DOCK1: variants seen among roughly 807,000 people sequenced by gnomAD.
DOCK1 encodes dedicator of cytokinesis protein 1.
Under a neutral mutation model 262.7 loss-of-function variants are expected in DOCK1, and 138 were observed. That is an observed-to-expected ratio of 0.53 (90% CI 0.46 to 0.61). DOCK1 has a LOEUF of 0.61. Ranked by LOEUF, DOCK1 falls within the 20% of genes least tolerant of loss-of-function variation. The pLI is 0.00. For synonymous variants in DOCK1, 866 were observed against 867.4 expected (o/e 1.00, Z 0.03); for missense variants, 1,908 against 2,370.7 (o/e 0.80, Z 4.05).
Position 127,298,726 on chromosome 10 carries a change from C to T in DOCK1, c.3045-40280C>T, listed in dbSNP as rs571750960. ...CGCAGGAAACACCTAGCAAACTTGT[C>T]GGGGTTTATATTACAAAGCCCAGGG... On this transcript the variant is annotated intron_variant, in intron 29 of 51. Coordinates refer to ENST00000623213, the MANE Select transcript of DOCK1 (RefSeq NM_001290223.2). Among the ~76,000 whole-genome samples, 27 of 152,242 alleles carry T rather than the reference C, an allele frequency of 1.8e-4. No individual in the cohort carries two copies. The South Asian group carries it at 5.6e-3, about 32-fold the overall frequency.
chr10:127,199,496 G>A (rs567659177), intron 27 of DOCK1, among the ~76,000 whole-genome samples: 1 of 152,296 alleles, frequency 6.6e-6, no homozygotes, highest in South Asian at 2.1e-4. Flanking sequence ...TCGTATAGTG[G>A]AATACTAGAC....
In DOCK1 at chr10:127,443,621, G is replaced by A. The variant is rs150579030; in HGVS notation, c.5260-505G>A. Among the ~76,000 whole-genome samples the A allele has an allele frequency of 2.3e-3, 352 of 152,194 alleles. 3 individuals carry two copies. Among genetic ancestry groups the A allele is most frequent in the African/African-American group, 7.9e-3 (329 of 41,530 alleles). ...GATCAGTAGGAACCTACCTAATGGC[G>A]GCATTGCTCATTACCGCCACCCCAA... On this transcript the variant is annotated intron_variant, in intron 49 of 51. Transcript: ENST00000623213.
At chr10:127,323,083 C>G (rs1242223590) in intron 29 of DOCK1, among the ~76,000 whole-genome samples, 1 of 152,082 alleles carries the variant, frequency 6.6e-6, no homozygotes, top group Non-Finnish European at 1.5e-5. Context: ...GCTCCCTTCT[C>G]CATCATGGGA....
intron 1 of DOCK1, among the ~76,000 whole-genome samples, chr10:126,951,418 AGTG>A (rs1193001999): frequency 5.2e-4 from 78 of 150,436 alleles, no homozygotes; most frequent in Middle Eastern, 7.1e-3. Context: ...TATTAGTGAT[AGTG>A]GTGGTGGTAG....
chr10:126,980,028 TG>T (rs1423537351), intron 3 of DOCK1, among the ~76,000 whole-genome samples: 1 of 152,104 alleles, frequency 6.6e-6, no homozygotes, highest in Non-Finnish European at 1.5e-5. Flanking sequence ...TGGACAAGAC[TG>T]GGACTGGTTT....
chr10:127,410,723 A>G (rs1464049521), intron 42 of DOCK1, 117 bp from the exon 43 acceptor site: 1 of 859,354 alleles, frequency 1.2e-6, no homozygotes, highest in Admixed American at 3.1e-5. Context: ...GCTTCAGGTC[A>G]AGGTTAGGGA....
chr10:127,317,583 G>A (rs919027220), intron 29 of DOCK1, among the ~76,000 whole-genome samples: 2 of 152,244 alleles, frequency 1.3e-5, no homozygotes, highest in South Asian at 2.1e-4. Context: ...CTCTGGATTC[G>A]AGTGCACATT....
intron 1 of DOCK1, among the ~76,000 whole-genome samples, chr10:126,946,803 G>T (rs2035446041): frequency 6.6e-6 from 1 of 152,164 alleles, no homozygotes; most frequent in Non-Finnish European, 1.5e-5. Flanking sequence ...TGTTTAATTT[G>T]TTCATCTCTT....
intron 29 of DOCK1, among the ~76,000 whole-genome samples, chr10:127,302,363 C>T (rs1371387806): frequency 6.6e-6 from 1 of 152,078 alleles, no homozygotes; most frequent in African/African-American, 2.4e-5. Context: ...GACTAGACTA[C>T]AGGAGAGCCC....
In DOCK1 at chr10:126,910,745, C is replaced by T. The variant is rs530438230; in HGVS notation, c.46+5182C>T. Reference sequence around the variant, plus strand: ...CGCCTACCTCCCTCCACGCCTTTCTCCCCTCAAATCCTGGCCACCCTTTGC... The same window carrying T: ...CGCCTACCTCCCTCCACGCCTTTCTTCCCTCAAATCCTGGCCACCCTTTGC... On this transcript the variant is annotated intron_variant, in intron 1 of 51. Transcript: ENST00000623213. 1.4e-4 allele frequency among the ~76,000 whole-genome samples: 22 copies of T among 152,310 alleles called. 1 individual carries two copies. Among genetic ancestry groups the T allele is most frequent in the African/African-American group, 5.1e-4 (21 of 41,582 alleles).
intron 23 of DOCK1, among the ~76,000 whole-genome samples, chr10:127,097,967 C>T (rs2048009195): frequency 6.6e-6 from 1 of 152,206 alleles, no homozygotes; most frequent in Admixed American, 6.5e-5. Context: ...ACTCCAAACT[C>T]AGCTCTGTCT....
intron 23 of DOCK1, among the ~76,000 whole-genome samples, chr10:127,076,068 G>T (rs7921453): frequency 6.6e-6 from 1 of 152,160 alleles, no homozygotes; most frequent in African/African-American, 2.4e-5. Context: ...CTTGCTATGT[G>T]CACAGGTAAT....
rs759123439 is a variant in DOCK1 at position 127,447,503 on chromosome 10, G to C, written c.5523G>C (p.Leu1841Phe). The C allele has an allele frequency of 1.9e-6, 3 of 1,613,910 alleles. No homozygotes were observed. The South Asian group carries it at 3.3e-5, about 18-fold the overall frequency. ...GGAATTTGATGGAAAACCAGGACTT[G>C]CTGGGCTCGCCAACACCTCCACCTC... ...DYGNLMENQDLLGSPTPPPPP... is the reference protein window; with the variant it reads ...DYGNLMENQDFLGSPTPPPPP... Residue 1841 changes from leucine to phenylalanine, a missense_variant, in exon 51 of 52, where the codon TTG (leucine) becomes TTC (phenylalanine). Physicochemically the swap from Leu to Phe is conservative, Grantham distance 22. Around this residue, in one of 9 missense-constraint regions of DOCK1, gnomAD observed 383 missense variants for 420.1 expected, o/e 0.91. Transcript: ENST00000623213.
At chr10:127,097,641 G>T (rs185595415) in intron 23 of DOCK1, among the ~76,000 whole-genome samples, 89 of 152,316 alleles carry the variant, frequency 5.8e-4, no homozygotes, top group African/African-American at 2.1e-3. Flanking sequence ...CCCCCCACTG[G>T]TGGACAGACG....
intron 23 of DOCK1, among the ~76,000 whole-genome samples, chr10:127,071,369 C>T (rs1453676122): frequency 1.3e-5 from 2 of 152,184 alleles, no homozygotes; most frequent in Non-Finnish European, 2.9e-5. Flanking sequence ...CCTTGAGCAC[C>T]TCTCCACCCA....
rs1434012452 is a variant in DOCK1 at position 127,220,583 on chromosome 10, TAGC to T, written c.2848-27424_2848-27422del. 1.2e-4 allele frequency among the ~76,000 whole-genome samples: 18 copies of T among 152,058 alleles called. 1 individual carries two copies. The highest frequency in any genetic ancestry group is 1.9e-4 in the Non-Finnish European group (13 of 68,010). The stretch of plus-strand genomic sequence containing the variant: ...TGTCCTGGATTTTGTCTTGCAACCC[TAGC>T]TGTAAAGGGAAGAAGGAGCTTTGTG... On this transcript the variant is annotated intron_variant, in intron 27 of 51. Coordinates refer to ENST00000623213, the MANE Select transcript of DOCK1 (RefSeq NM_001290223.2).
chr10:127,169,911 C>T (rs1405156707), intron 27 of DOCK1, among the ~76,000 whole-genome samples: 2 of 152,132 alleles, frequency 1.3e-5, no homozygotes, highest in Non-Finnish European at 2.9e-5. Context: ...CTCGTTCCAT[C>T]CCTCAGCTCT....
At chr10:127,049,024 C>G (rs1036068473) in intron 21 of DOCK1, among the ~76,000 whole-genome samples, 2 of 151,786 alleles carry the variant, frequency 1.3e-5, no homozygotes, top group East Asian at 3.9e-4. Flanking sequence ...GAAATAAATG[C>G]GGGTATAACA....
chr10:126,940,367 A>T (rs2034890808), intron 1 of DOCK1, among the ~76,000 whole-genome samples: 1 of 152,192 alleles, frequency 6.6e-6, no homozygotes. Context: ...ATATTAGATG[A>T]CAGGAGTCTG....
Sources: gnomAD v4.1 joint callset for allele counts (sites outside exome capture counted in the v4.1 genomes callset) on GRCh38, gnomAD v4.1.1 for gene constraint, gnomAD v4.1.1 regional missense constraint, MANE v1.5 for transcripts, NCBI Gene and HGNC (gene_info 2026-07-23, HGNC 2026-07-21) for gene names.